Variants in GRIN2B observed in about 807,000 individuals in gnomAD.
GRIN2B encodes the protein glutamate receptor ionotropic, NMDA 2B.
In GRIN2B, 5 loss-of-function variants were observed where a neutral mutation model predicts 114.5. That is an observed-to-expected ratio of 0.04 (90% CI 0.02 to 0.09). GRIN2B has a LOEUF of 0.09. Ranked by LOEUF, GRIN2B falls within the 10% of genes least tolerant of loss-of-function variation. The probability of loss-of-function intolerance (pLI) is 1.00; values close to 1 mark genes in which losing one functional copy is unlikely to be tolerated. For synonymous variants in GRIN2B, 787 were observed against 745.1 expected (o/e 1.06, Z -0.92); for missense variants, 1,108 against 1,943.5 (o/e 0.57, Z 8.08).
At position 13,590,903 on chromosome 12, in the gene GRIN2B, G is replaced by T. The variant is rs540275608; in HGVS notation, c.2010+17700C>A. On this transcript the variant is annotated intron_variant, in intron 10 of 13. Coordinates refer to ENST00000609686, the MANE Select transcript of GRIN2B (RefSeq NM_000834.5). ...TGAAGTCATTGTTTTCTACCACAGA[G>T]ATGGGCAAAAGACACAGATTCAGAA... 2.0e-5 allele frequency among the ~76,000 whole-genome samples: 3 copies of T among 152,292 alleles called. No individual in the cohort carries two copies. The South Asian group carries it at 6.2e-4, about 32-fold the overall frequency.
At chr12:13,739,059 T>C (rs1461022448) in intron 4 of GRIN2B, among the ~76,000 whole-genome samples, 1 of 152,100 alleles carries the variant, frequency 6.6e-6, no homozygotes, top group Non-Finnish European at 1.5e-5. Context: ...TATCAGTTGA[T>C]ACACTTTAGA....
intron 5 of GRIN2B, among the ~76,000 whole-genome samples, chr12:13,657,896 C>A (rs1259982389): frequency 6.6e-6 from 1 of 151,912 alleles, no homozygotes; most frequent in Non-Finnish European, 1.5e-5. Flanking sequence ...AAAAATATTC[C>A]CACATGTTTT....
chr12:13,666,994 T>C (rs1373278522), intron 5 of GRIN2B, among the ~76,000 whole-genome samples: 1 of 152,176 alleles, frequency 6.6e-6, no homozygotes, highest in African/African-American at 2.4e-5. Context: ...GTTCTATCCC[T>C]ACTGGTGAAA....
chr12:13,769,302 A>T (rs920944956), intron 3 of GRIN2B, among the ~76,000 whole-genome samples: 1 of 151,948 alleles, frequency 6.6e-6, no homozygotes, highest in African/African-American at 2.4e-5. Context: ...CACCCCCTCA[A>T]GGCCCTTTTC....
chr12:13,804,233 GT>G (rs35452504), intron 3 of GRIN2B, among the ~76,000 whole-genome samples: 62,373 of 143,584 alleles, frequency 0.43, 13,388 homozygotes, highest in East Asian at 0.61. Flanking sequence ...TCTGTGGACT[GT>G]TTTTTTTTTT....
At chr12:13,841,980 A>C (rs1280813992) in intron 3 of GRIN2B, among the ~76,000 whole-genome samples, 1 of 152,170 alleles carries the variant, frequency 6.6e-6, no homozygotes, top group Non-Finnish European at 1.5e-5. Context: ...TAAAATAATT[A>C]GTCTGCAAAT....
chr12:13,786,178 T>C (rs1864218436), intron 3 of GRIN2B, among the ~76,000 whole-genome samples: 1 of 152,146 alleles, frequency 6.6e-6, no homozygotes, highest in Admixed American at 6.5e-5. Context: ...GCAGGTACAT[T>C]TCATTTTCTC....
intron 5 of GRIN2B, among the ~76,000 whole-genome samples, chr12:13,653,354 A>G (rs529164360): frequency 1.3e-5 from 2 of 152,236 alleles, no homozygotes; most frequent in East Asian, 1.9e-4. Context: ...GGGGTTGGTC[A>G]TCTAAGTTGG....
At chr12:13,594,535 G>A (rs868410822) in intron 10 of GRIN2B, among the ~76,000 whole-genome samples, 11 of 151,586 alleles carry the variant, frequency 7.3e-5, no homozygotes, top group Middle Eastern at 6.8e-3. Context: ...GGGGTGGGGG[G>A]CTAGGGGAAG....
At chr12:13,931,703 A>G (rs911181411) in intron 2 of GRIN2B, among the ~76,000 whole-genome samples, 1 of 152,210 alleles carries the variant, frequency 6.6e-6, no homozygotes, top group Non-Finnish European at 1.5e-5. Flanking sequence ...TCTTGCACCA[A>G]CGTTGCCTCT....
At position 13,547,959 on chromosome 12, in the gene GRIN2B, G is replaced by GTATATATATATATATATATATATA; in HGVS notation, c.*14823_*14824insTATATATATATATATATATATATA. 1 of 91,476 alleles carries GTATATATATATATATATATATATA rather than the reference G, an allele frequency of 1.1e-5. No homozygotes were observed. Among genetic ancestry groups the GTATATATATATATATATATATATA allele is most frequent in the African/African-American group, 3.8e-5 (1 of 26,262 alleles). 5.7% of individuals were successfully genotyped at this position (91,476 alleles called of 1,614,324 possible). ...TATGTATGTATGTATGTATGTGTGT[G>GTATATATATATATATATATATATA]TATATATATATATATATATATATTT... On this transcript the variant is annotated 3_prime_UTR_variant, in exon 14 of 14. Transcript: ENST00000609686.
At chr12:13,686,827 C>G (rs1481924928) in intron 4 of GRIN2B, among the ~76,000 whole-genome samples, 1 of 152,078 alleles carries the variant, frequency 6.6e-6, no homozygotes, top group East Asian at 1.9e-4. Context: ...GATGTGTGTC[C>G]CCTCCAAACC....
At chr12:13,713,463 C>G (rs1443773365) in intron 4 of GRIN2B, among the ~76,000 whole-genome samples, 1 of 151,896 alleles carries the variant, frequency 6.6e-6, no homozygotes, top group East Asian at 1.9e-4. Flanking sequence ...AAATGAATCA[C>G]AGAATCTAAT....
At chr12:13,887,913 T>C (rs182691630) in intron 2 of GRIN2B, among the ~76,000 whole-genome samples, 189 of 152,322 alleles carry the variant, frequency 1.2e-3, no homozygotes, top group Non-Finnish European at 2.3e-3. Flanking sequence ...ATGGTGACAA[T>C]GGCTCTATCT....
chr12:13,803,718 A>G (rs1256146405), intron 3 of GRIN2B, among the ~76,000 whole-genome samples: 1 of 152,184 alleles, frequency 6.6e-6, no homozygotes, highest in Non-Finnish European at 1.5e-5. Context: ...CTATTTGAAC[A>G]CACAGCAAAA....
intron 3 of GRIN2B, among the ~76,000 whole-genome samples, chr12:13,775,282 G>C (rs1863983936): frequency 6.6e-6 from 1 of 152,208 alleles, no homozygotes; most frequent in Admixed American, 6.5e-5. Context: ...CTGGATTACA[G>C]GTGGGGCTTG....
rs188756837 is a variant in GRIN2B, at chr12:13,636,190, G to A, written c.1126-19533C>T. Among the ~76,000 whole-genome samples the A allele has an allele frequency of 3.8e-4, 58 of 152,242 alleles. No homozygotes were observed. In the East Asian group the frequency reaches 9.5e-3, roughly 25 times the overall value. On this transcript the variant is annotated intron_variant, in intron 5 of 13. Transcript: ENST00000609686. ...GATTTCAGGCAGAAGACTCTGCAAG[G>A]GCAAAGATCTTTTGATGTGGCTTTG...
chr12:13,628,850 T>A (rs968123760), intron 5 of GRIN2B, among the ~76,000 whole-genome samples: 5 of 152,180 alleles, frequency 3.3e-5, no homozygotes, highest in African/African-American at 1.2e-4. Context: ...AATGAAGCAA[T>A]GTAGTTGAAA....
chr12:13,928,456 T>C (rs1248432155), intron 2 of GRIN2B, among the ~76,000 whole-genome samples: 2 of 152,204 alleles, frequency 1.3e-5, no homozygotes, highest in African/African-American at 2.4e-5. Context: ...GGAGATAATA[T>C]GGTTACCTAA....
Sources: gnomAD v4.1 joint callset for allele counts (sites outside exome capture counted in the v4.1 genomes callset) on GRCh38, gnomAD v4.1.1 for gene constraint, MANE v1.5 for transcripts, NCBI Gene and HGNC (gene_info 2026-07-23, HGNC 2026-07-21) for gene names.